Variants in SOX6 observed in about 807,000 individuals in gnomAD.
The protein encoded by SOX6 is transcription factor SOX-6.
A neutral mutation model predicts 97.8 loss-of-function variants in SOX6; 11 were observed. That is an observed-to-expected ratio of 0.11 (90% CI 0.07 to 0.19). The LOEUF is 0.19. Ranked by LOEUF, SOX6 falls within the 10% of genes least tolerant of loss-of-function variation. The probability of loss-of-function intolerance (pLI) is 1.00; values close to 1 mark genes in which losing one functional copy is unlikely to be tolerated. For missense variants in SOX6, 810 were observed against 1,039.5 expected (o/e 0.78, Z 3.04); for synonymous variants, 360 against 371.4 (o/e 0.97, Z 0.35).
chr11:16,290,161 G>A (rs1220049887), intron 3 of SOX6, among the ~76,000 whole-genome samples: 1 of 151,770 alleles, frequency 6.6e-6, no homozygotes, highest in Non-Finnish European at 1.5e-5. Flanking sequence ...TTCCTCTAGG[G>A]CCATGAATCT....
intron 3 of SOX6, among the ~76,000 whole-genome samples, chr11:16,644,066 G>T (rs189952649): frequency 2.0e-4 from 30 of 152,146 alleles, no homozygotes; most frequent in Admixed American, 2.0e-3. Flanking sequence ...ACTGACATAG[G>T]GTCTCATTCT....
intron 6 of SOX6, among the ~76,000 whole-genome samples, chr11:16,166,798 G>A (rs1458106239): frequency 2.0e-5 from 3 of 151,994 alleles, no homozygotes; most frequent in African/African-American, 7.3e-5. Flanking sequence ...GAGGAAAATG[G>A]GTATTCCAAG....
intron 3 of SOX6, among the ~76,000 whole-genome samples, chr11:16,706,832 G>A (rs1848140743): frequency 6.6e-6 from 1 of 151,590 alleles, no homozygotes; most frequent in African/African-American, 2.4e-5. Flanking sequence ...GCTATATCTG[G>A]ATGGCCCTAA....
upstream of SOX6, among the ~76,000 whole-genome samples, chr11:16,480,078 A>C (rs1389278712): frequency 6.6e-6 from 1 of 152,138 alleles, no homozygotes; most frequent in East Asian, 1.9e-4. Context: ...TGAATAAAAA[A>C]TATGTGTATA....
intron 3 of SOX6, among the ~76,000 whole-genome samples, chr11:16,644,045 T>A (rs1848969184): frequency 6.6e-6 from 1 of 152,174 alleles, no homozygotes; most frequent in African/African-American, 2.4e-5. Flanking sequence ...TTCGGCCATC[T>A]TGGAACCACC....
chr11:16,635,812 A>G (rs778131977), intron 3 of SOX6, among the ~76,000 whole-genome samples: 5 of 152,194 alleles, frequency 3.3e-5, no homozygotes, highest in Non-Finnish European at 5.9e-5. Context: ...AAAGGAGTTC[A>G]GGCCATTGCT....
intron 6 of SOX6, among the ~76,000 whole-genome samples, chr11:16,127,000 C>A (rs1481404508): frequency 6.6e-6 from 1 of 152,012 alleles, no homozygotes; most frequent in Non-Finnish European, 1.5e-5. Flanking sequence ...TGCTATATCA[C>A]CCCCTCAAAA....
At chr11:16,020,289 A>C (rs1177687373) in intron 12 of SOX6, among the ~76,000 whole-genome samples, 1 of 151,998 alleles carries the variant, frequency 6.6e-6, no homozygotes, top group African/African-American at 2.4e-5. Flanking sequence ...TAACTACCCC[A>C]GCACATGTCT....
At chr11:16,101,947 G>A (rs74598788) in intron 7 of SOX6, among the ~76,000 whole-genome samples, 1,835 of 151,836 alleles carry the variant, frequency 0.012, 36 homozygotes, top group African/African-American at 0.041. Context: ...AGAGTTGAAA[G>A]CATTCTCCCT....
At chr11:16,316,882 A>G (rs1163527550) in intron 3 of SOX6, 4 of 152,088 alleles carry the variant, frequency 2.6e-5, no homozygotes, top group East Asian at 3.8e-4. Context: ...TAGTTCATGC[A>G]CTAAAGATCA....
intron 13 of SOX6, among the ~76,000 whole-genome samples, chr11:15,999,037 T>C (rs1010572191): frequency 1.3e-5 from 2 of 151,684 alleles, no homozygotes; most frequent in African/African-American, 2.4e-5. Flanking sequence ...AGAACTTGCA[T>C]CTAGGATATA....
intron 4 of SOX6, among the ~76,000 whole-genome samples, chr11:16,498,081 C>T (rs1474766007): frequency 2.6e-5 from 4 of 152,178 alleles, no homozygotes; most frequent in African/African-American, 9.7e-5. Context: ...GGTCGGGTTA[C>T]CCACAAAGGG....
intron 4 of SOX6, among the ~76,000 whole-genome samples, chr11:16,198,375 C>G (rs1851848304): frequency 1.3e-5 from 2 of 152,002 alleles, no homozygotes; most frequent in South Asian, 4.2e-4. Context: ...GATTTAAAAT[C>G]ACTTTATGCA....
At chr11:16,539,028 T>A (rs1861358714) in intron 4 of SOX6, among the ~76,000 whole-genome samples, 1 of 152,222 alleles carries the variant, frequency 6.6e-6, no homozygotes, top group African/African-American at 2.4e-5. Context: ...TACATTCTTC[T>A]CAGCACCACA....
intron 4 of SOX6, among the ~76,000 whole-genome samples, chr11:16,569,158 G>T (rs2133197623): frequency 6.6e-6 from 1 of 152,092 alleles, no homozygotes; most frequent in East Asian, 1.9e-4. Context: ...CAACCCCACT[G>T]CAATTTTTAA....
At chr11:16,457,354 T>C (rs1164675197) in intron 1 of SOX6, among the ~76,000 whole-genome samples, 1 of 152,118 alleles carries the variant, frequency 6.6e-6, no homozygotes, top group Non-Finnish European at 1.5e-5. Context: ...GTTACACTCA[T>C]GTATATTATA....
At chr11:15,992,929 C>A (rs1854100311) in intron 13 of SOX6, among the ~76,000 whole-genome samples, 1 of 151,914 alleles carries the variant, frequency 6.6e-6, no homozygotes, top group South Asian at 2.1e-4. Context: ...TTATCTATTA[C>A]CTGAATTTAC....
intron 1 of SOX6, among the ~76,000 whole-genome samples, chr11:16,352,453 T>C (rs1393885129): frequency 6.6e-6 from 1 of 152,110 alleles, no homozygotes; most frequent in African/African-American, 2.4e-5. Context: ...AATAATGTCA[T>C]TATCCCTGTT....
chr11:16,362,447 A>G (rs1249353826), intron 1 of SOX6, among the ~76,000 whole-genome samples: 1 of 152,192 alleles, frequency 6.6e-6, no homozygotes, highest in Non-Finnish European at 1.5e-5. Flanking sequence ...GTTGTGTGAT[A>G]GACACTCAAA....
Sources: gnomAD v4.1 joint callset for allele counts (sites outside exome capture counted in the v4.1 genomes callset) on GRCh38, gnomAD v4.1.1 for gene constraint, MANE v1.5 for transcripts, NCBI Gene and HGNC (gene_info 2026-07-23, HGNC 2026-07-21) for gene names.